The following DMD variants were observed in gnomAD, a reference collection of about 807,000 sequenced individuals.
The protein encoded by DMD is dystrophin, also known as mutant dystrophin.
DMD carries 63 observed loss-of-function variants against 330.1 expected under a neutral mutation model. The observed-to-expected ratio is 0.19, with a 90% CI of 0.16 to 0.24. The LOEUF (loss-of-function observed/expected upper bound fraction) is 0.24, where lower values mean the gene tolerates loss of function less well. Ranked by LOEUF, DMD falls within the 10% of genes least tolerant of loss-of-function variation. The probability of loss-of-function intolerance (pLI) is 1.00; values close to 1 mark genes in which losing one functional copy is unlikely to be tolerated. For synonymous variants in DMD, 1,223 were observed against 959.8 expected (o/e 1.27, Z -5.07); for missense variants, 3,344 against 2,684.1 (o/e 1.25, Z -5.43).
chrX:31,712,517 T>C (rs1018826912), intron 52 of DMD, among the ~76,000 whole-genome samples: 2 of 111,747 alleles, frequency 1.8e-5, no homozygotes, highest in Non-Finnish European at 3.8e-5. Context: ...TTATTTAATA[T>C]ATTTTTAATT....
intron 7 of DMD, among the ~76,000 whole-genome samples, chrX:32,709,882 C>A (rs1569478773): frequency 9.0e-6 from 1 of 111,303 alleles, no homozygotes; most frequent in Non-Finnish European, 1.9e-5. Context: ...GATTGTTTTA[C>A]CAATGACTGA....
At chrX:33,336,993 G>A (rs926152778) in intron 1 of DMD, among the ~76,000 whole-genome samples, 1 of 111,366 alleles carries the variant, frequency 9.0e-6, no homozygotes, top group African/African-American at 3.3e-5. Flanking sequence ...GCCACCTAGC[G>A]TCTGTCCAAT....
chrX:31,618,729 A>C (rs910769293), intron 55 of DMD, among the ~76,000 whole-genome samples: 1 of 111,828 alleles, frequency 8.9e-6, no homozygotes, highest in Non-Finnish European at 1.9e-5. Context: ...AAATCCAAAA[A>C]ACTCTAAAAG....
At chrX:31,144,351 A>C (rs1297626162) in intron 76 of DMD, among the ~76,000 whole-genome samples, 2 of 112,091 alleles carry the variant, frequency 1.8e-5, no homozygotes, top group East Asian at 2.8e-4. Context: ...CATCAACTCC[A>C]TGAACTGTAC....
chrX:32,839,239 C>A (rs1209732990), intron 4 of DMD, among the ~76,000 whole-genome samples: 2 of 110,671 alleles, frequency 1.8e-5, no homozygotes, highest in Non-Finnish European at 3.8e-5. Flanking sequence ...AGGCCTCATT[C>A]CAAATGCTTT....
intron 74 of DMD, among the ~76,000 whole-genome samples, chrX:31,154,148 A>C (rs2037794493): frequency 8.9e-6 from 1 of 111,894 alleles, no homozygotes. Context: ...CTTATATTTA[A>C]AAACATCTAT....
intron 1 of DMD, among the ~76,000 whole-genome samples, chrX:33,183,759 T>C (rs1046152997): frequency 9.8e-6 from 1 of 102,182 alleles, no homozygotes; most frequent in African/African-American, 3.6e-5. Flanking sequence ...CTCTAGACCT[T>C]GAAGCCATGA....
chrX:32,134,120 T>C (rs756874934), intron 44 of DMD, among the ~76,000 whole-genome samples: 3 of 111,991 alleles, frequency 2.7e-5, no homozygotes, highest in African/African-American at 9.7e-5. Context: ...TCTCTTATTT[T>C]ACCCTTCTTC....
intron 42 of DMD, among the ~76,000 whole-genome samples, chrX:32,288,570 C>T (rs372606475): frequency 1.8e-5 from 2 of 111,818 alleles, no homozygotes; most frequent in South Asian, 3.8e-4. Flanking sequence ...CACACAAGAG[C>T]CGAAAAGATT....
chrX:33,054,794 C>G (rs1017556693), intron 1 of DMD, among the ~76,000 whole-genome samples: 1 of 111,585 alleles, frequency 9.0e-6, no homozygotes, highest in Non-Finnish European at 1.9e-5. Context: ...ACAGTGATCT[C>G]GAGGGAGAAT....
chrX:31,231,021 T>C (rs955677459), intron 63 of DMD, among the ~76,000 whole-genome samples: 5 of 111,681 alleles, frequency 4.5e-5, no homozygotes, highest in Non-Finnish European at 9.4e-5. Context: ...AAGTACCATT[T>C]CTGGGGCCTG....
chrX:32,180,872 G>A (rs1056976051), intron 44 of DMD, among the ~76,000 whole-genome samples: 1 of 110,891 alleles, frequency 9.0e-6, no homozygotes, highest in African/African-American at 3.3e-5. Context: ...CCATGATTCA[G>A]TTACCTCCAC....
At chrX:31,252,916 G>A (rs188880607) in intron 63 of DMD, among the ~76,000 whole-genome samples, 2,467 of 111,146 alleles carry the variant, frequency 0.022, 81 homozygotes, top group African/African-American at 0.076. Context: ...GCTTGAACGC[G>A]GGCGGTGGAG....
intron 32 of DMD, among the ~76,000 whole-genome samples, chrX:32,387,736 C>T (rs1369387805): frequency 1.8e-5 from 2 of 110,976 alleles, no homozygotes; most frequent in Admixed American, 9.6e-5. Context: ...ATAAAAATAT[C>T]TGTGTATCTG....
chrX:31,416,297 A>G (rs2061869668), intron 60 of DMD, among the ~76,000 whole-genome samples: 1 of 112,348 alleles, frequency 8.9e-6, no homozygotes, highest in Admixed American at 9.4e-5. Flanking sequence ...GTTTTTGCTG[A>G]GGGAAATAGT....
rs1345138057 is a variant in DMD, at chrX:32,559,060, C to A, written c.1992+6642G>T. ...CCACCTCCCGGGTTCAAGCAATTCTCCTGCCTCAGCCTCCCAAGTAGCTGC... is the reference window on the plus strand; with the variant it reads ...CCACCTCCCGGGTTCAAGCAATTCTACTGCCTCAGCCTCCCAAGTAGCTGC... On this transcript the variant is annotated intron_variant, in intron 16 of 78. Coordinates refer to ENST00000357033, the MANE Select transcript of DMD (RefSeq NM_004006.3). Among the ~76,000 whole-genome samples the A allele has an allele frequency of 4.8e-5, 5 of 103,318 alleles. No individual in the cohort carries two copies. The Admixed American group carries it at 5.4e-4, about 11-fold the overall frequency. 89.7% of individuals were successfully genotyped at this position (103,318 alleles called of 115,157 possible).
chrX:33,268,503 T>C (rs1906776765), intron 1 of DMD, among the ~76,000 whole-genome samples: 1 of 111,210 alleles, frequency 9.0e-6, no homozygotes. Flanking sequence ...AACAAACACT[T>C]CTCAAAGGAA....
intron 2 of DMD, among the ~76,000 whole-genome samples, chrX:32,882,253 A>C (rs1261654395): frequency 2.7e-5 from 3 of 111,582 alleles, no homozygotes; most frequent in Non-Finnish European, 5.6e-5. Flanking sequence ...CAAGGGTTCT[A>C]AGTGTTAGTA....
chrX:31,487,321 C>T (rs928131437), intron 57 of DMD, among the ~76,000 whole-genome samples: 1 of 107,086 alleles, frequency 9.3e-6, no homozygotes, highest in Non-Finnish European at 1.9e-5. Context: ...TGCAGTGGTG[C>T]GCGATCTCGG....
Sources: gnomAD v4.1 joint callset for allele counts (sites outside exome capture counted in the v4.1 genomes callset) on GRCh38, gnomAD v4.1.1 for gene constraint, MANE v1.5 for transcripts, NCBI Gene and HGNC (gene_info 2026-07-23, HGNC 2026-07-21) for gene names.